Variants in NBAS observed in about 807,000 individuals in gnomAD.
NBAS encodes the protein NAG/BC035112 fusion.
In NBAS, 219 loss-of-function variants were observed where a neutral mutation model predicts 302.5. That is an observed-to-expected ratio of 0.72 (90% confidence interval 0.65 to 0.81). The LOEUF is 0.81. NBAS is among the 30% of genes least tolerant of loss of function. The pLI is 0.00. For missense variants in NBAS, 2,932 were observed against 2,841.6 expected (o/e 1.03, Z -0.72); for synonymous variants, 1,118 against 1,021.6 (o/e 1.09, Z -1.80).
At chr2:15,401,494 G>A (rs1676150254) in intron 26 of NBAS, among the ~76,000 whole-genome samples, 1 of 152,114 alleles carries the variant, frequency 6.6e-6, no homozygotes, top group African/African-American at 2.4e-5. Flanking sequence ...GACCAAAGAA[G>A]TAAAGTGACT....
At chr2:15,031,665 C>T in the NBAS span, among the ~76,000 whole-genome samples, 16 of 152,348 alleles carry the variant, frequency 1.1e-4, no homozygotes, top group African/African-American at 3.4e-4. Context: ...GAGCTTTTCC[C>T]CCACATTCCC....
At chr2:15,278,945 A>C (rs1669708921) in intron 42 of NBAS, among the ~76,000 whole-genome samples, 1 of 152,328 alleles carries the variant, frequency 6.6e-6, no homozygotes, top group South Asian at 2.1e-4. Context: ...CAGTGAATAT[A>C]AATGGCTGGG....
chr2:14,879,838 A>G, the NBAS span, among the ~76,000 whole-genome samples: 1 of 152,232 alleles, frequency 6.6e-6, no homozygotes, highest in African/African-American at 2.4e-5. Flanking sequence ...AGAGTGCATC[A>G]TACTCCTAGA....
chr2:15,204,760 C>G (rs903339074), intron 48 of NBAS, among the ~76,000 whole-genome samples: 1 of 152,042 alleles, frequency 6.6e-6, no homozygotes, highest in African/African-American at 2.4e-5. Context: ...ATCGCATGGA[C>G]AGAAAACCAA....
intron 21 of NBAS, among the ~76,000 whole-genome samples, chr2:15,436,008 C>G (rs1323114133): frequency 6.6e-6 from 1 of 151,842 alleles, no homozygotes; most frequent in Non-Finnish European, 1.5e-5. Flanking sequence ...AATCAAACAC[C>G]CTAAAAGGTA....
At chr2:15,321,284 T>A (rs894117282) in intron 38 of NBAS, among the ~76,000 whole-genome samples, 6 of 152,270 alleles carry the variant, frequency 3.9e-5, no homozygotes, top group Admixed American at 6.5e-5. Flanking sequence ...CCTAAAACCA[T>A]AAAAACCCTA....
At chr2:15,111,477 C>A in the NBAS span, among the ~76,000 whole-genome samples, 1 of 152,076 alleles carries the variant, frequency 6.6e-6, no homozygotes, top group Non-Finnish European at 1.5e-5. Context: ...GTGAAATATC[C>A]AACAAGTATT....
chr2:15,216,116 T>C (rs1001197084), intron 48 of NBAS, among the ~76,000 whole-genome samples: 1 of 152,148 alleles, frequency 6.6e-6, no homozygotes, highest in South Asian at 2.1e-4. Flanking sequence ...CAGACAGACA[T>C]CTTTACTTTC....
At chr2:15,503,434 A>T (rs900656385) in intron 11 of NBAS, among the ~76,000 whole-genome samples, 1 of 152,194 alleles carries the variant, frequency 6.6e-6, no homozygotes, top group Admixed American at 6.5e-5. Context: ...AAAGAAACTG[A>T]AGCAGTGAAA....
chr2:14,821,834 A>C, the NBAS span, among the ~76,000 whole-genome samples: 2 of 151,916 alleles, frequency 1.3e-5, no homozygotes, highest in Non-Finnish European at 2.9e-5. Context: ...AAGACGGTGA[A>C]ACCCTGTCTC....
the NBAS span, among the ~76,000 whole-genome samples, chr2:15,090,003 C>T: frequency 3.2e-4 from 49 of 152,282 alleles, no homozygotes; most frequent in Middle Eastern, 3.4e-3. Flanking sequence ...CCACCCCAGC[C>T]TCCCAAAGTG....
At chr2:15,139,901 A>G in the NBAS span, among the ~76,000 whole-genome samples, 6 of 152,184 alleles carry the variant, frequency 3.9e-5, no homozygotes, top group African/African-American at 1.4e-4. Context: ...CCGCAGTAAC[A>G]TCTTTCATCC....
chr2:15,296,987 T>C (rs1434719723), intron 40 of NBAS, among the ~76,000 whole-genome samples: 1 of 152,248 alleles, frequency 6.6e-6, no homozygotes, highest in African/African-American at 2.4e-5. Context: ...CATTTTTATT[T>C]CATATTCTTT....
At chr2:15,383,064 G>A (rs1315486860) in intron 29 of NBAS, 151 bp downstream of exon 29, 13 of 644,470 alleles carry the variant, frequency 2.0e-5, no homozygotes, top group Non-Finnish European at 2.9e-5. Context: ...AAGGAATAAA[G>A]TGCTCAACCT....
intron 48 of NBAS, among the ~76,000 whole-genome samples, chr2:15,202,520 G>GTTTATTTA (rs57260326): frequency 3.3e-4 from 50 of 149,802 alleles, no homozygotes; most frequent in East Asian, 1.2e-3. Context: ...GTGTTTGTTT[G>GTTTATTTA]TTTATTTATT....
chr2:15,074,115 C>A, the NBAS span, among the ~76,000 whole-genome samples: 1 of 152,092 alleles, frequency 6.6e-6, no homozygotes, highest in South Asian at 2.1e-4. Flanking sequence ...ATAGACAGAG[C>A]AACAGAATAG....
chr2:14,815,707 A>G, the NBAS span, among the ~76,000 whole-genome samples: 1 of 152,154 alleles, frequency 6.6e-6, no homozygotes, highest in Non-Finnish European at 1.5e-5. Flanking sequence ...TTCCTATTCT[A>G]TTCAATCCAG....
the NBAS span, among the ~76,000 whole-genome samples, chr2:14,780,851 C>G: frequency 2.0e-5 from 3 of 152,240 alleles, no homozygotes; most frequent in South Asian, 4.2e-4. Context: ...AAGAATAAAA[C>G]TTGCATTTTC....
chr2:15,166,315 T>C (rs112257261), downstream of NBAS, among the ~76,000 whole-genome samples: 2,624 of 152,290 alleles, frequency 0.017, 79 homozygotes, highest in African/African-American at 0.058. Flanking sequence ...TATGTACGTT[T>C]ATGGACATGA....
Sources: gnomAD v4.1 joint callset for allele counts (sites outside exome capture counted in the v4.1 genomes callset) on GRCh38, gnomAD v4.1.1 for gene constraint, MANE v1.5 for transcripts, NCBI Gene and HGNC (gene_info 2026-07-23, HGNC 2026-07-21) for gene names.